DSG3: variants seen among roughly 807,000 people sequenced by gnomAD.
The protein encoded by DSG3 is desmoglein-3.
A neutral mutation model predicts 85.9 loss-of-function variants in DSG3; 63 were observed. The observed-to-expected ratio is 0.73, with a 90% CI of 0.60 to 0.90. The LOEUF is 0.90. Among genes scored for constraint, DSG3 ranks in the 40% least tolerant of loss-of-function variants. The pLI is 0.00. For missense variants in DSG3, 1,220 were observed against 1,219.9 expected (o/e 1.00, Z 0.00); for synonymous variants, 447 against 441.9 (o/e 1.01, Z -0.14).
Position 31,464,228 on chromosome 18 carries a change from C to T in DSG3, c.1117C>T (p.Gln373Ter), listed in dbSNP as rs778432093. Residue 373 changes from glutamine (Q) to a stop codon, truncating the protein, a stop_gained, in exon 9 of 16, where the codon CAG (glutamine) becomes TAG (stop). Coordinates refer to ENST00000257189, the MANE Select transcript of DSG3 (RefSeq NM_001944.3). LOFTEE classifies it high-confidence loss of function. ...YRVQSTPVTI[Q>*]VINVREGIAF... The stretch of plus-strand genomic sequence containing the variant: ...AGTTCAGTCAACCCCAGTCACAATT[C>T]AGGTAATAAATGTAAGAGAAGGAAT... The T allele has an allele frequency of 1.2e-6, 2 of 1,614,142 alleles. No homozygotes were observed. The highest frequency in any genetic ancestry group is 3.3e-5 in the Admixed American group (2 of 60,014).
chr18:31,476,076 C>G lies in DSG3; in HGVS notation c.2816C>G (p.Ala939Gly). 3.7e-6 allele frequency: 6 copies of G among 1,614,234 alleles called. No individual in the cohort carries two copies. The highest frequency in any genetic ancestry group is 4.2e-6 in the Non-Finnish European group (5 of 1,180,058). The change falls in exon 16 of 16, where the codon GCT becomes GGT. Residue 939 changes from alanine (A) to glycine (G), a missense_variant. By Grantham distance (60) the Ala-to-Gly change is moderately conservative. Coordinates refer to ENST00000257189, the MANE Select transcript of DSG3 (RefSeq NM_001944.3). ...GNYLVTETYS[A>G]SGSLVQPSTA... The stretch of plus-strand genomic sequence containing the variant: ...TATTTAGTAACGGAGACTTACTCGG[C>G]TTCTGGTTCCCTCGTGCAACCTTCC...
intron 2 of DSG3, 44 bp downstream of exon 2, chr18:31,456,519 T>C (rs766130344): frequency 3.5e-6 from 4 of 1,127,198 alleles, no homozygotes; most frequent in Middle Eastern, 2.3e-4. Flanking sequence ...AATAGTTTAG[T>C]TTAAAAAAAA....
chr18:31,472,892 A>T (rs1045283131), intron 14 of DSG3, 104 bp downstream of exon 14: 20 of 1,036,860 alleles, frequency 1.9e-5, no homozygotes, highest in Admixed American at 1.0e-4. Flanking sequence ...ATCTGTGTGC[A>T]CATGTCAGGA....
intron 1 of DSG3, among the ~76,000 whole-genome samples, chr18:31,456,068 T>C (rs937228649): frequency 2.6e-5 from 4 of 152,228 alleles, no homozygotes; most frequent in African/African-American, 9.6e-5. Flanking sequence ...ACAATGGTGC[T>C]TACCAATGTT....
chr18:31,456,220 G>C (rs2072740999), intron 1 of DSG3, among the ~76,000 whole-genome samples: 1 of 152,126 alleles, frequency 6.6e-6, no homozygotes, highest in Admixed American at 6.5e-5. Flanking sequence ...AAATTCTGTA[G>C]TCAATTAAAA....
Position 31,464,389 on chromosome 18 carries a change from CTA to C in DSG3, c.1271+9_1271+10del. 1 of 1,599,938 alleles carries C rather than the reference CTA, an allele frequency of 6.3e-7. No homozygotes were observed. The highest frequency in any genetic ancestry group is 8.5e-7 in the Non-Finnish European group (1 of 1,172,824). ...AAGCTGCCTCAAATGTCAAGTAAGA[CTA>C]TTTTTATTTATATCCTATTTCTTGA... On this transcript the variant is annotated splice_region_variant and intron_variant, in intron 9 of 15. Transcript: ENST00000257189.
intron 10 of DSG3, 37 bp downstream of exon 10, chr18:31,465,494 A>G (rs2072812518): frequency 2.2e-6 from 3 of 1,375,614 alleles, no homozygotes; most frequent in Admixed American, 2.8e-5. Context: ...GAGGAATGTT[A>G]TCGTAATTGA....
chr18:31,450,056 A>T (rs1465214776), intron 1 of DSG3, among the ~76,000 whole-genome samples: 1 of 152,226 alleles, frequency 6.6e-6, no homozygotes, highest in Non-Finnish European at 1.5e-5. Flanking sequence ...TTCACCTTTT[A>T]AAAACGTTTT....
intron 1 of DSG3, among the ~76,000 whole-genome samples, chr18:31,452,505 G>C (rs961421694): frequency 8.6e-6 from 1 of 115,914 alleles, no homozygotes; most frequent in African/African-American, 3.4e-5. Context: ...GTGACAGAGC[G>C]AGACTCCGTC....
chr18:31,473,774 TATA>T (rs1265341737), intron 14 of DSG3, among the ~76,000 whole-genome samples: 4 of 152,248 alleles, frequency 2.6e-5, no homozygotes, highest in Non-Finnish European at 5.9e-5. Context: ...ACTGCTTAAC[TATA>T]ATGTTTTTTC....
rs1213476691 is a variant in DSG3 at position 31,459,020 on chromosome 18, C to T, written c.373-13C>T. The T allele has an allele frequency of 8.1e-6, 13 of 1,611,808 alleles. No homozygotes were observed. The highest frequency in any genetic ancestry group is 9.3e-6 in the Non-Finnish European group (11 of 1,179,488). ...TTGCAGAGTAATACTCCACATTTTC[C>T]CTCTGTTCCTAGATCACATGTCGGG... On this transcript the variant is annotated splice_polypyrimidine_tract_variant and intron_variant, in intron 4 of 15. Coordinates refer to ENST00000257189, the MANE Select transcript of DSG3 (RefSeq NM_001944.3).
chr18:31,471,325 C>T (rs2072853898), intron 12 of DSG3, among the ~76,000 whole-genome samples: 1 of 152,102 alleles, frequency 6.6e-6, no homozygotes, highest in African/African-American at 2.4e-5. Flanking sequence ...TAATTCAATC[C>T]TCATAACAAC....
chr18:31,454,673 G>GTTTTTT (rs58881473), intron 1 of DSG3, among the ~76,000 whole-genome samples: 1 of 136,812 alleles, frequency 7.3e-6, no homozygotes, highest in African/African-American at 2.6e-5. Flanking sequence ...CCATTAGTTT[G>GTTTTTT]TTTTTTTTTT....
At chr18:31,454,327 A>G (rs2144262682) in intron 1 of DSG3, among the ~76,000 whole-genome samples, 1 of 152,338 alleles carries the variant, frequency 6.6e-6, no homozygotes, top group Middle Eastern at 3.4e-3. Context: ...CAGTTACTAC[A>G]TTTATCTGGT....
In DSG3 at chr18:31,469,423, A is replaced by C. The variant is rs1214848178; in HGVS notation, c.1897+74A>C. 12 of 1,566,766 alleles carry C rather than the reference A, an allele frequency of 7.7e-6. No individual in the cohort carries two copies. In the African/African-American group the frequency reaches 1.5e-4, roughly 19 times the overall value. ...CAAAGGCCTCCATGCTGCCCTGCTC[A>C]TCTGTGCAATGGGGAAAGAATATTC... On this transcript the variant is annotated intron_variant, in intron 12 of 15. Transcript: ENST00000257189.
chr18:31,463,129 C>T (rs911072930), intron 8 of DSG3, among the ~76,000 whole-genome samples: 3 of 152,290 alleles, frequency 2.0e-5, no homozygotes, highest in Non-Finnish European at 2.9e-5. Context: ...TTCACCTATG[C>T]CTGGATAATT....
chr18:31,476,102 A>G lies in DSG3; in HGVS notation c.2842A>G (p.Thr948Ala), dbSNP rs775145681. 6.2e-7 allele frequency: 1 copy of G among 1,614,130 alleles called. No individual in the cohort carries two copies. The highest frequency in any genetic ancestry group is 1.1e-5 in the South Asian group (1 of 91,090). ...TTCTGGTTCCCTCGTGCAACCTTCC[A>G]CTGCAGGCTTTGATCCACTTCTCAC... Reference protein sequence around the residue: ...SASGSLVQPSTAGFDPLLTQN... With the variant: ...SASGSLVQPSAAGFDPLLTQN... Residue 948 changes from threonine (T) to alanine (A), a missense_variant, in exon 16 of 16, where the codon ACT becomes GCT. Physicochemically the swap from Thr to Ala is moderately conservative, Grantham distance 58. Coordinates refer to ENST00000257189, the MANE Select transcript of DSG3 (RefSeq NM_001944.3).
At chr18:31,466,792 G>T (rs745313000) in intron 11 of DSG3, 38 bp downstream of exon 11, 2 of 1,537,348 alleles carry the variant, frequency 1.3e-6, no homozygotes, top group Non-Finnish European at 1.8e-6. Context: ...AATGCAAACT[G>T]CTCCTTTGTA....
intron 1 of DSG3, among the ~76,000 whole-genome samples, chr18:31,448,825 A>T (rs1431666605): frequency 6.6e-6 from 1 of 151,928 alleles, no homozygotes; most frequent in Non-Finnish European, 1.5e-5. Context: ...TCATGAAAAA[A>T]ATTGAGATAA....
Sources: gnomAD v4.1 joint callset for allele counts (sites outside exome capture counted in the v4.1 genomes callset) on GRCh38, gnomAD v4.1.1 for gene constraint, MANE v1.5 for transcripts, NCBI Gene and HGNC (gene_info 2026-07-23, HGNC 2026-07-21) for gene names.